Variants in HINT1 observed in about 807,000 individuals in gnomAD.
HINT1 encodes histidine triad nucleotide binding protein 1, also known as adenosine 5'-monophosphoramidase HINT1.
Under a neutral mutation model 11.2 loss-of-function variants are expected in HINT1, and 12 were observed. That is an observed-to-expected ratio of 1.07 (90% CI 0.69 to 1.74). The LOEUF is 1.74. Among genes scored for constraint, HINT1 ranks in the 40% most tolerant of loss-of-function variants. The pLI is 0.00. For missense variants in HINT1, 150 were observed against 161.8 expected (o/e 0.93, Z 0.40); for synonymous variants, 42 against 52.6 (o/e 0.80, Z 0.87).
chr5:131,159,415 C>T lies in HINT1; in HGVS notation c.*32G>A, dbSNP rs970590026. Reference sequence around the variant, plus strand: ...GGAAATTGCCTAACTTAATCATTGCCTAAAGAAGAGAAAATTATCCCCAAA... The same window carrying T: ...GGAAATTGCCTAACTTAATCATTGCTTAAAGAAGAGAAAATTATCCCCAAA... On this transcript the variant is annotated 3_prime_UTR_variant, in exon 3 of 3. Transcript: ENST00000304043. 4 of 1,602,538 alleles carry T rather than the reference C, an allele frequency of 2.5e-6. No individual in the cohort carries two copies. In the African/African-American group the frequency reaches 5.4e-5, roughly 22 times the overall value.
intron 2 of HINT1, among the ~76,000 whole-genome samples, chr5:131,160,387 G>A (rs922399722): frequency 3.2e-4 from 48 of 152,224 alleles, no homozygotes; most frequent in Admixed American, 2.7e-3. Flanking sequence ...TTTACACATG[G>A]AGTCTATTTG....
intron 1 of HINT1, 94 bp from the exon 2 acceptor site, chr5:131,162,770 A>T: frequency 1.3e-6 from 1 of 743,248 alleles, no homozygotes; most frequent in Non-Finnish European, 2.3e-6. Flanking sequence ...CAGTAACTAC[A>T]TGGAGGGCAC....
intron 1 of HINT1, 63 bp from the exon 2 acceptor site, chr5:131,162,739 T>C (rs1193535164): frequency 3.7e-6 from 4 of 1,077,798 alleles, no homozygotes; most frequent in African/African-American, 1.6e-5. Context: ...ATAAAACTTA[T>C]TTCAACAAGT....
chr5:131,161,317 T>C (rs960427787), intron 2 of HINT1, among the ~76,000 whole-genome samples: 1 of 152,156 alleles, frequency 6.6e-6, no homozygotes, highest in Non-Finnish European at 1.5e-5. Flanking sequence ...AAATTTGTAT[T>C]CTGGGGCTGG....
In HINT1 at chr5:131,159,562, C is replaced by T; in HGVS notation, c.266G>A (p.Gly89Asp). Residue 89 changes from glycine (G) to aspartate (D), a missense_variant, in exon 3 of 3, where the codon GGC becomes GAC. Transcript: ENST00000304043. Reference sequence around the variant, plus strand: ...CACCATTCGATAACCCTTATTCAGGCCCAGATCAGCAGCACATTTCTTGCC... The same window carrying T: ...CACCATTCGATAACCCTTATTCAGGTCCAGATCAGCAGCACATTTCTTGCC... ...IVGKKCAADL[G>D]LNKGYRMVVN... 6.2e-7 allele frequency: 1 copy of T among 1,613,540 alleles called. No individual in the cohort carries two copies. Among genetic ancestry groups the T allele is most frequent in the Non-Finnish European group, 8.5e-7 (1 of 1,179,698 alleles).
chr5:131,159,654 A>T (rs749637686), intron 2 of HINT1, 43 bp from the exon 3 acceptor site: 31 of 1,553,882 alleles, frequency 2.0e-5, no homozygotes, highest in Non-Finnish European at 2.4e-5. Context: ...GCAATTTATT[A>T]CTTCTTGCCA....
Position 131,165,120 on chromosome 5 carries a change from G to T in HINT1, c.86C>A (p.Ala29Asp), listed in dbSNP as rs774181936. The T allele has an allele frequency of 1.2e-6, 2 of 1,613,530 alleles. No homozygotes were observed. Among genetic ancestry groups the T allele is most frequent in the Admixed American group, 1.7e-5 (1 of 60,028 alleles). The change falls in exon 1 of 3, where the codon GCC becomes GAC. Residue 29 changes from alanine to aspartate, a missense_variant. Ala to Asp is a moderately radical substitution (Grantham distance 126, BLOSUM62 -2). Transcript: ENST00000304043. The part of the protein sequence containing the change: ...FGKIIRKEIP[A>D]KIIFEDDRCL... Reference sequence around the variant, plus strand: ...CCGGTCATCCTCAAAAATGATTTTGGCTGGTATTTCCTTGCGGATGATCTT... The same window carrying T: ...CCGGTCATCCTCAAAAATGATTTTGTCTGGTATTTCCTTGCGGATGATCTT...
rs536544162 is a variant in HINT1 at position 131,159,281 on chromosome 5, G to C, written c.*166C>G. 1.8e-4 allele frequency: 96 copies of C among 527,340 alleles called. No homozygotes were observed. The highest frequency in any genetic ancestry group is 8.3e-4 in the Admixed American group (25 of 30,098). The allele number at this position is 527,340 out of a possible 1,614,324, so 32.7% of individuals were successfully genotyped here. ...AATAACAAATCAAACGCAACACTCAGAGAGACTATAAGCCATGCAACAATG... is the reference window on the plus strand; with the variant it reads ...AATAACAAATCAAACGCAACACTCACAGAGACTATAAGCCATGCAACAATG... On this transcript the variant is annotated 3_prime_UTR_variant, in exon 3 of 3. Coordinates refer to ENST00000304043, the MANE Select transcript of HINT1 (RefSeq NM_005340.7).
chr5:131,159,965 C>T lies in HINT1; in HGVS notation c.217-354G>A, dbSNP rs59872691. 1.8e-3 allele frequency among the ~76,000 whole-genome samples: 271 copies of T among 152,166 alleles called. 2 individuals are homozygous for T. Among genetic ancestry groups the T allele is most frequent in the African/African-American group, 6.3e-3 (261 of 41,520 alleles). ...CTCCCAGGTTGAAGTGATCCTCCTG[C>T]CTCACCCACCCAAGGAGCTGGGACT... is the stretch of plus-strand genomic sequence containing the variant. On this transcript the variant is annotated intron_variant, in intron 2 of 2. Transcript: ENST00000304043.
At chr5:131,164,065 T>C (rs73786612) in intron 1 of HINT1, among the ~76,000 whole-genome samples, 17,852 of 152,076 alleles carry the variant, frequency 0.12, 2,579 homozygotes, top group African/African-American at 0.34. Flanking sequence ...TTTTTTAATT[T>C]ACCTAGAGGA....
At chr5:131,160,936 G>A in intron 2 of HINT1, 1 of 416,204 alleles carries the variant, frequency 2.4e-6, no homozygotes. Flanking sequence ...ACTAGGCTAG[G>A]CTATAATGTT....
At position 131,165,240 on chromosome 5, in the gene HINT1, G is replaced by GAAGGGAGAAGGGCGGC. The variant is rs1755371467; in HGVS notation, c.-36_-35insGCCGCCCTTCTCCCTT. 6.3e-7 allele frequency: 1 copy of GAAGGGAGAAGGGCGGC among 1,594,654 alleles called. No homozygotes were observed. ...TCTCCCGCGCGGCGGCCAGAGGAGA[G>GAAGGGAGAAGGGCGGC]GCTCGGAAGAAGGGAGGAACCCGCA... On this transcript the variant is annotated 5_prime_UTR_variant, in exon 1 of 3. Coordinates refer to ENST00000304043, the MANE Select transcript of HINT1 (RefSeq NM_005340.7).
intron 2 of HINT1, among the ~76,000 whole-genome samples, chr5:131,161,513 T>C (rs1755246622): frequency 6.6e-6 from 1 of 151,210 alleles, no homozygotes; most frequent in Admixed American, 6.6e-5. Context: ...GGGAATCGCT[T>C]GTACCCAGGA....
intron 2 of HINT1, chr5:131,162,245 C>T: frequency 3.4e-6 from 2 of 595,688 alleles, no homozygotes; most frequent in Admixed American, 3.0e-5. Context: ...ATGGTGTGAA[C>T]CAGGGAGGTG....
At chr5:131,161,925 G>A (rs1755259567) in intron 2 of HINT1, among the ~76,000 whole-genome samples, 1 of 152,108 alleles carries the variant, frequency 6.6e-6, no homozygotes, top group Non-Finnish European at 1.5e-5. Flanking sequence ...TACTCAACAT[G>A]AAGATGACAG....
intron 2 of HINT1, among the ~76,000 whole-genome samples, chr5:131,161,869 C>T (rs1246933873): frequency 2.0e-5 from 3 of 152,176 alleles, no homozygotes; most frequent in African/African-American, 4.8e-5. Context: ...GCCTCTGCCA[C>T]CCCTGAGACA....
chr5:131,159,892 C>G (rs1755206073), intron 2 of HINT1, among the ~76,000 whole-genome samples: 1 of 152,104 alleles, frequency 6.6e-6, no homozygotes, highest in Non-Finnish European at 1.5e-5. Flanking sequence ...TGCTCTGTCA[C>G]TCAGACTGGA....
chr5:131,162,646 C>T lies in HINT1; in HGVS notation c.142G>A (p.Ala48Thr), dbSNP rs1755287235. Residue 48 changes from alanine (A) to threonine (T), a missense_variant, in exon 2 of 3, where the codon GCA becomes ACA. Physicochemically the swap from Ala to Thr is moderately conservative, Grantham distance 58 (BLOSUM62 0). Coordinates refer to ENST00000304043, the MANE Select transcript of HINT1 (RefSeq NM_005340.7). ...GGTATCACCAGAAAATGTGTTGGTG[C>T]TTGAGGGGAAATGTCATGGAAAGCA... ...CLAFHDISPQAPTHFLVIPKK... is the reference protein window; with the variant it reads ...CLAFHDISPQTPTHFLVIPKK... 6.2e-7 allele frequency: 1 copy of T among 1,612,304 alleles called. No individual in the cohort carries two copies. The highest frequency in any genetic ancestry group is 8.5e-7 in the Non-Finnish European group (1 of 1,178,776).
At chr5:131,162,352 A>G (rs1755275318) in intron 2 of HINT1, 1 of 851,024 alleles carries the variant, frequency 1.2e-6, no homozygotes, top group South Asian at 1.5e-5. Context: ...GCAAGTGTTG[A>G]TAAGGATACG....
Sources: gnomAD v4.1 joint callset for allele counts (sites outside exome capture counted in the v4.1 genomes callset) on GRCh38, gnomAD v4.1.1 for gene constraint, MANE v1.5 for transcripts, NCBI Gene and HGNC (gene_info 2026-07-23, HGNC 2026-07-21) for gene names.